The following USP9Y variants were observed in gnomAD, a reference collection of about 807,000 sequenced individuals.
The protein encoded by USP9Y is ubiquitin carboxyl-terminal hydrolase 9Y.
A neutral mutation model predicts 53.1 loss-of-function variants in USP9Y; 41 were observed. The ratio of observed to expected loss-of-function variants is 0.77; its 90% CI spans 0.60 to 1.00. USP9Y has a LOEUF of 1.00. Ranked by LOEUF, USP9Y falls within the 50% of genes least tolerant of loss-of-function variation. The pLI is 0.00. For missense variants in USP9Y, 567 were observed against 535.8 expected, an observed-to-expected ratio of 1.06 and a Z score of -0.58; for synonymous variants, 220 against 173.7, an observed-to-expected ratio of 1.27 and a Z score of -2.09.
At chrY:12,789,992 C>T (rs1015736726) in intron 24 of USP9Y, among the ~76,000 whole-genome samples, 1 of 33,248 alleles carries the variant, frequency 3.0e-5, no homozygotes, top group African/African-American at 1.2e-4. Flanking sequence ...GGTGTTACTA[C>T]GTGTGTAGTT....
chrY:12,733,053 G>A, intron 7 of USP9Y, among the ~76,000 whole-genome samples: 1 of 29,654 alleles, frequency 3.4e-5, no homozygotes, highest in Non-Finnish European at 8.0e-5. Context: ...CGAGTAGCTG[G>A]GATTACAGAC....
At chrY:12,754,515 A>G (rs2148283456) in intron 12 of USP9Y, among the ~76,000 whole-genome samples, 17 of 32,711 alleles carry the variant, frequency 5.2e-4, no homozygotes, top group Non-Finnish European at 8.2e-4. Flanking sequence ...AGAGTGGTGG[A>G]TTACAGTCAT....
rs2053416047 is a variant in USP9Y, at chrY:12,701,610, T to C, written c.-566T>C. 2.9e-5 allele frequency: 1 copy of C among 33,980 alleles called. No homozygotes were observed. Among genetic ancestry groups the C allele is most frequent in the African/African-American group, 1.1e-4 (1 of 8,704 alleles). The allele number at this position is 33,980 out of a possible 400,897, so 8.5% of individuals were successfully genotyped here. Reference sequence around the variant, plus strand: ...GCTCTAGTTCTAGTGGCTAAATAGGTACTTATTTATACAGTATGATAACTG... The same window carrying C: ...GCTCTAGTTCTAGTGGCTAAATAGGCACTTATTTATACAGTATGATAACTG... On this transcript the variant is annotated 5_prime_UTR_variant, in exon 1 of 46. Coordinates refer to ENST00000338981, the MANE Select transcript of USP9Y (RefSeq NM_004654.4).
intron 27 of USP9Y, 119 bp from the exon 28 acceptor site, chrY:12,810,060 A>G: frequency 4.9e-6 from 1 of 204,210 alleles, no homozygotes; most frequent in Non-Finnish European, 8.4e-6. Context: ...TGCTAGCCAA[A>G]TGCTAAAATG....
At chrY:12,713,787 TG>T (rs2053427483) in intron 3 of USP9Y, among the ~76,000 whole-genome samples, 16 of 30,499 alleles carry the variant, frequency 5.2e-4, no homozygotes, top group East Asian at 2.6e-3. Flanking sequence ...TTTTTGTTTT[TG>T]TTTTTTTTTT....
In USP9Y at chrY:12,776,849, A is replaced by T; in HGVS notation, c.2628A>T (p.Leu876=). The change falls in exon 19 of 46, where the codon CTA becomes CTT. Residue 876 remains leucine, a synonymous_variant. Transcript: ENST00000338981. ...ATTATCACAAGGAAAGAATGATTCT[A>T]CCTATGTCGAGGTTTGTGTGAAGTT... ...DSDYHKERMI[L]PMSRAFRGKH... 2.5e-6 allele frequency: 1 copy of T among 394,289 alleles called. No individual in the cohort carries two copies. Among genetic ancestry groups the T allele is most frequent in the Non-Finnish European group, 3.6e-6 (1 of 279,671 alleles).
intron 1 of USP9Y, among the ~76,000 whole-genome samples, 200 bp from the exon 2 acceptor site, chrY:12,708,431 TTGA>T (rs2053421420): frequency 6.0e-5 from 2 of 33,500 alleles, no homozygotes; most frequent in Non-Finnish European, 1.5e-4. Context: ...GTGAGCTCAC[TTGA>T]CAGATTTGAT....
At chrY:12,752,566 T>G in intron 12 of USP9Y, among the ~76,000 whole-genome samples, 1 of 33,337 alleles carries the variant, frequency 3.0e-5, no homozygotes, top group Non-Finnish European at 7.4e-5. Context: ...GTGTGCCTGT[T>G]ACTTCTTTTT....
At chrY:12,858,740 G>C in intron 45 of USP9Y, among the ~76,000 whole-genome samples, 1 of 33,417 alleles carries the variant, frequency 3.0e-5, no homozygotes, top group Non-Finnish European at 7.4e-5. Context: ...TTTAGACCTA[G>C]TCTGACTCTG....
At chrY:12,749,537 C>G (rs924475834) in intron 12 of USP9Y, among the ~76,000 whole-genome samples, 3 of 33,159 alleles carry the variant, frequency 9.0e-5, no homozygotes, top group Non-Finnish European at 2.2e-4. Context: ...TGGTGATAAC[C>G]CTTTGACCTC....
chrY:12,809,469 G>GGA (rs2053527686), intron 27 of USP9Y, among the ~76,000 whole-genome samples: 2 of 31,598 alleles, frequency 6.3e-5, no homozygotes, highest in Non-Finnish European at 1.6e-4. Context: ...GTGGGGTGGA[G>GGA]GAGAGAGAGA....
At chrY:12,840,674 C>A in intron 36 of USP9Y, 60 bp downstream of exon 36, 2 of 302,755 alleles carry the variant, frequency 6.6e-6, no homozygotes, top group Non-Finnish European at 9.6e-6. Flanking sequence ...TTCTAGGATA[C>A]CTTACAGGGC....
intron 12 of USP9Y, among the ~76,000 whole-genome samples, chrY:12,750,845 T>C (rs2148283087): frequency 3.0e-5 from 1 of 33,109 alleles, no homozygotes; most frequent in East Asian, 7.7e-4. Flanking sequence ...CTGTTTTGTT[T>C]AGGACATTTT....
At chrY:12,820,531 A>G (rs1475383194) in intron 33 of USP9Y, among the ~76,000 whole-genome samples, 1 of 33,994 alleles carries the variant, frequency 2.9e-5, no homozygotes, top group African/African-American at 1.1e-4. Flanking sequence ...AGCCTAGATT[A>G]TAAGTACGAT....
At chrY:12,710,041 T>C in intron 3 of USP9Y, among the ~76,000 whole-genome samples, 1 of 33,336 alleles carries the variant, frequency 3.0e-5, no homozygotes, top group African/African-American at 1.2e-4. Context: ...TGTGTTTTTC[T>C]GTATCTAAGG....
At chrY:12,777,939 T>G in intron 19 of USP9Y, 80 bp from the exon 20 acceptor site, 1 of 234,099 alleles carries the variant, frequency 4.3e-6, no homozygotes, top group Non-Finnish European at 6.5e-6. Flanking sequence ...ATTTTCAGGG[T>G]TTTTTTTAGC....
intron 12 of USP9Y, among the ~76,000 whole-genome samples, chrY:12,755,929 C>T: frequency 3.0e-5 from 1 of 33,201 alleles, no homozygotes; most frequent in African/African-American, 1.2e-4. Flanking sequence ...CCTTAACACT[C>T]GAAGGGGGTG....
intron 3 of USP9Y, among the ~76,000 whole-genome samples, chrY:12,715,578 T>C (rs754881914): frequency 6.1e-5 from 2 of 32,907 alleles, no homozygotes; most frequent in East Asian, 1.6e-3. Flanking sequence ...TCCCAAAGTG[T>C]TGGGATTACA....
In USP9Y at chrY:12,786,562, C is replaced by A; in HGVS notation, c.3323C>A (p.Thr1108Asn). The A allele has an allele frequency of 2.6e-6, 1 of 388,568 alleles. No homozygotes were observed. Among genetic ancestry groups the A allele is most frequent in the Non-Finnish European group, 3.6e-6 (1 of 278,535 alleles). The change falls in exon 24 of 46, where the codon ACT becomes AAT. Residue 1108 changes from threonine (T) to asparagine (N), a missense_variant. Thr to Asn is a moderately conservative substitution (Grantham distance 65). Transcript: ENST00000338981. ...ALLMPAGVPL[T>N]DGSSDFQVHF... ...TTAATGCCTGCTGGTGTGCCTCTAA[C>A]TGATGGGTCCTCTGACTTTCAAGTT...
Sources: allele counts gnomAD v4.1 joint callset (sites outside exome capture counted in the v4.1 genomes callset), GRCh38; gene constraint gnomAD v4.1.1; transcripts MANE v1.5; gene names NCBI Gene and HGNC (gene_info 2026-07-23, HGNC 2026-07-21).